The following DOCK5 variants were observed in gnomAD, a reference collection of about 807,000 sequenced individuals.
The protein encoded by DOCK5 is dedicator of cytokinesis protein 5.
A neutral mutation model predicts 251.8 loss-of-function variants in DOCK5; 142 were observed. The ratio of observed to expected loss-of-function variants is 0.56; its 90% confidence interval spans 0.49 to 0.65. DOCK5 has a LOEUF of 0.65. Ranked by LOEUF, DOCK5 falls within the 30% of genes least tolerant of loss-of-function variation. The pLI is 0.00. For missense variants in DOCK5, 2,111 were observed against 2,312.3 expected, an observed-to-expected ratio of 0.91 and a Z score of 1.79; for synonymous variants, 842 against 835.5, an observed-to-expected ratio of 1.01 and a Z score of -0.13.
chr8:25,338,961 G>A (rs978514911), intron 22 of DOCK5, among the ~76,000 whole-genome samples: 31 of 152,186 alleles, frequency 2.0e-4, no homozygotes, highest in African/African-American at 7.5e-4. Context: ...AGGTTAGGGC[G>A]ACAGAGGACC....
At chr8:25,378,412 A>G (rs1801001433) in intron 38 of DOCK5, among the ~76,000 whole-genome samples, 1 of 152,234 alleles carries the variant, frequency 6.6e-6, no homozygotes, top group African/African-American at 2.4e-5. Context: ...GTATTCTTGA[A>G]TTCTGAGATT....
intron 4 of DOCK5, among the ~76,000 whole-genome samples, chr8:25,275,742 A>G (rs1804030538): frequency 6.6e-6 from 1 of 152,186 alleles, no homozygotes; most frequent in Non-Finnish European, 1.5e-5. Flanking sequence ...AGGCTGAGGC[A>G]GGAGAATCAC....
At position 25,368,216 on chromosome 8, in the gene DOCK5, C is replaced by T. The variant is rs780661201; in HGVS notation, c.3249C>T (p.Ile1083=). ...GATATGGGGACATGAGAAAGGAAATCGGCTTTAGAATCCGGGACATGTGGT... is the reference window on the plus strand; with the variant it reads ...GATATGGGGACATGAGAAAGGAAATTGGCTTTAGAATCCGGGACATGTGGT... ...VKKYGDMRKE[I]GFRIRDMWYN... The change falls in exon 32 of 52, where the codon ATC becomes ATT. Residue 1083 remains isoleucine, a synonymous_variant. Coordinates refer to ENST00000276440, the MANE Select transcript of DOCK5 (RefSeq NM_024940.8). 2.3e-5 allele frequency: 37 copies of T among 1,612,454 alleles called. No homozygotes were observed. Among genetic ancestry groups the T allele is most frequent in the Non-Finnish European group, 2.8e-5 (33 of 1,179,254 alleles).
chr8:25,189,581 G>T (rs1801524118), intron 1 of DOCK5, among the ~76,000 whole-genome samples: 1 of 151,982 alleles, frequency 6.6e-6, no homozygotes, highest in Non-Finnish European at 1.5e-5. Context: ...GGCTGGTCTG[G>T]AACTCCTAGG....
intron 1 of DOCK5, among the ~76,000 whole-genome samples, chr8:25,207,143 G>A (rs1198845793): frequency 6.6e-6 from 1 of 152,110 alleles, no homozygotes; most frequent in Non-Finnish European, 1.5e-5. Flanking sequence ...CTTCTATATA[G>A]CACATCACTT....
intron 30 of DOCK5, among the ~76,000 whole-genome samples, chr8:25,366,401 C>T (rs538030290): frequency 1.2e-4 from 18 of 152,216 alleles, no homozygotes; most frequent in East Asian, 7.7e-4. Context: ...TAAGGCAGGA[C>T]GCTTGAACCT....
intron 48 of DOCK5, among the ~76,000 whole-genome samples, chr8:25,405,556 T>C (rs1163473644): frequency 6.6e-6 from 1 of 152,166 alleles, no homozygotes; most frequent in Non-Finnish European, 1.5e-5. Flanking sequence ...CAATCTTAAT[T>C]ATTATAGATA....
In DOCK5 at chr8:25,236,172, G is replaced by A. The variant is rs528129029; in HGVS notation, c.44-7502G>A. Among the ~76,000 whole-genome samples, 29 of 152,226 alleles carry A rather than the reference G, an allele frequency of 1.9e-4. No homozygotes were observed. The South Asian group carries it at 5.8e-3, about 30-fold the overall frequency. ...TCTTCTCCTAAACTATCTAGAAAAT[G>A]AAGTTAAGAATCCTGTAAGAGCCTG... On this transcript the variant is annotated intron_variant, in intron 1 of 51. Transcript: ENST00000276440.
intron 30 of DOCK5, 162 bp downstream of exon 30, chr8:25,364,866 C>G (rs1800748824): frequency 1.9e-6 from 1 of 530,330 alleles, no homozygotes; most frequent in Admixed American, 3.4e-5. Context: ...ACACTGTCCT[C>G]CAAACACAAC....
At chr8:25,390,571 A>G (rs1054202757) in intron 42 of DOCK5, among the ~76,000 whole-genome samples, 1 of 152,212 alleles carries the variant, frequency 6.6e-6, no homozygotes, top group East Asian at 1.9e-4. Context: ...AAGCTTGGTA[A>G]TACAAAGGGA....
intron 1 of DOCK5, among the ~76,000 whole-genome samples, chr8:25,239,023 A>G (rs946138371): frequency 6.6e-6 from 1 of 152,214 alleles, no homozygotes; most frequent in African/African-American, 2.4e-5. Flanking sequence ...GTCAGAGAAG[A>G]AAGAGATCCA....
intron 22 of DOCK5, 69 bp from the exon 23 acceptor site, chr8:25,340,808 C>A: frequency 1.6e-6 from 2 of 1,250,856 alleles, no homozygotes; most frequent in South Asian, 1.3e-5. Context: ...GTGAGGGAGG[C>A]AACAAATCTA....
intron 1 of DOCK5, among the ~76,000 whole-genome samples, chr8:25,216,229 A>G (rs1752156255): frequency 8.8e-6 from 1 of 113,058 alleles, no homozygotes; most frequent in Admixed American, 1.0e-4. Context: ...GTATATATGT[A>G]TACAATATGT....
intron 2 of DOCK5, among the ~76,000 whole-genome samples, chr8:25,268,339 A>C (rs1803818511): frequency 6.6e-6 from 1 of 152,162 alleles, no homozygotes; most frequent in South Asian, 2.1e-4. Context: ...TGTCTTCATA[A>C]GATCTGCTAG....
At chr8:25,367,581 G>A (rs1233107342) in intron 31 of DOCK5, among the ~76,000 whole-genome samples, 10 of 152,170 alleles carry the variant, frequency 6.6e-5, no homozygotes, top group African/African-American at 1.9e-4. Context: ...TGGGATATCT[G>A]CGATATGTAG....
chr8:25,267,775 T>TA lies in DOCK5; in HGVS notation c.128-1064dup, dbSNP rs369795880. Among the ~76,000 whole-genome samples, 492 of 152,214 alleles carry TA rather than the reference T, an allele frequency of 3.2e-3. 7 individuals are homozygous for TA. Among genetic ancestry groups the TA allele is most frequent in the African/African-American group, 0.011 (472 of 41,530 alleles). On this transcript the variant is annotated intron_variant, in intron 2 of 51. Coordinates refer to ENST00000276440, the MANE Select transcript of DOCK5 (RefSeq NM_024940.8). ...GTAGGTGTTCAGCAAATAGTTAATATAAAAAATCTGTTTATGGACAGAGTA... is the reference window on the plus strand; with the variant it reads ...GTAGGTGTTCAGCAAATAGTTAATATAAAAAAATCTGTTTATGGACAGAGTA...
At chr8:25,400,220 C>G (rs1801414175) in intron 46 of DOCK5, among the ~76,000 whole-genome samples, 1 of 152,104 alleles carries the variant, frequency 6.6e-6, no homozygotes, top group African/African-American at 2.4e-5. Flanking sequence ...CGGCTGGGGC[C>G]GGGCCCAGTG....
chr8:25,261,441 G>A (rs1510763), intron 2 of DOCK5, among the ~76,000 whole-genome samples: 25,402 of 152,090 alleles, frequency 0.17, 2,337 homozygotes, highest in Admixed American at 0.25. Context: ...GTAAAGTAAT[G>A]GAGAAATAGT....
In DOCK5 at chr8:25,372,549, G is replaced by C. The variant is rs764139526; in HGVS notation, c.3525-10G>C. ...AACCTGGGCTTTTGTCTCTCCCTCC[G>C]CCCCTCCAGGCTCCTAGAACATTGC... On this transcript the variant is annotated splice_polypyrimidine_tract_variant and intron_variant, in intron 34 of 51. Transcript: ENST00000276440. 3.2e-6 allele frequency: 5 copies of C among 1,560,936 alleles called. No homozygotes were observed. The African/African-American group carries it at 5.6e-5, about 17-fold the overall frequency.
Sources: gnomAD v4.1 joint callset for allele counts (sites outside exome capture counted in the v4.1 genomes callset) on GRCh38, gnomAD v4.1.1 for gene constraint, MANE v1.5 for transcripts, NCBI Gene and HGNC (gene_info 2026-07-23, HGNC 2026-07-21) for gene names.